The following TSPAN14 variants were observed in gnomAD, a reference collection of about 807,000 sequenced individuals.
TSPAN14 encodes the protein tetraspanin 14, also known as tetraspanin-14.
In TSPAN14, 16 loss-of-function variants were observed where a neutral mutation model predicts 36.6. The observed-to-expected ratio is 0.44, with a 90% CI of 0.30 to 0.66. The LOEUF (loss-of-function observed/expected upper bound fraction) is 0.66, where lower values mean the gene tolerates loss of function less well. TSPAN14 is among the 30% of genes least tolerant of loss of function. The pLI, the probability that TSPAN14 is intolerant of heterozygous loss-of-function variation, is 0.12. For synonymous variants in TSPAN14, 139 were observed against 143.8 expected (o/e 0.97, Z 0.24); for missense variants, 231 against 355.1 (o/e 0.65, Z 2.81).
intron 1 of TSPAN14, among the ~76,000 whole-genome samples, chr10:80,474,447 C>T (rs1193898798): frequency 6.6e-6 from 1 of 151,068 alleles, no homozygotes; most frequent in African/African-American, 2.5e-5. Flanking sequence ...TGACCTGTGC[C>T]CTCAGGACGG....
At chr10:80,486,168 G>A (rs879696359) in intron 1 of TSPAN14, among the ~76,000 whole-genome samples, 1 of 152,244 alleles carries the variant, frequency 6.6e-6, no homozygotes, top group Non-Finnish European at 1.5e-5. Context: ...ATTGTTCCCT[G>A]GTTGGTCATG....
At chr10:80,472,808 G>A (rs908370836) in intron 1 of TSPAN14, among the ~76,000 whole-genome samples, 3 of 151,940 alleles carry the variant, frequency 2.0e-5, no homozygotes, top group Non-Finnish European at 4.4e-5. Flanking sequence ...TGTTTATTTT[G>A]CCGCTCAGAT....
intron 4 of TSPAN14, among the ~76,000 whole-genome samples, chr10:80,508,292 G>C (rs1254829626): frequency 6.6e-6 from 1 of 151,432 alleles, no homozygotes; most frequent in Non-Finnish European, 1.5e-5. Context: ...ATTTTTTTTT[G>C]TATTTTTAGT....
At chr10:80,500,962 C>T (rs1260188312) in intron 2 of TSPAN14, among the ~76,000 whole-genome samples, 1 of 152,192 alleles carries the variant, frequency 6.6e-6, no homozygotes, top group African/African-American at 2.4e-5. Context: ...CTTGTGCAGA[C>T]CAAAATTCCT....
chr10:80,500,227 A>G (rs975424741), intron 2 of TSPAN14, among the ~76,000 whole-genome samples: 2 of 150,332 alleles, frequency 1.3e-5, no homozygotes, highest in Non-Finnish European at 3.0e-5. Flanking sequence ...ATGATCTGAC[A>G]TGTGATCCCC....
chr10:80,460,621 T>G (rs1845921284), intron 1 of TSPAN14, among the ~76,000 whole-genome samples: 1 of 152,090 alleles, frequency 6.6e-6, no homozygotes, highest in Non-Finnish European at 1.5e-5. Context: ...TCCTTGTAGG[T>G]GTCCCTTCTT....
At chr10:80,500,191 G>T (rs1848418037) in intron 2 of TSPAN14, among the ~76,000 whole-genome samples, 1 of 152,036 alleles carries the variant, frequency 6.6e-6, no homozygotes, top group Admixed American at 6.5e-5. Flanking sequence ...CAGAGTTCCT[G>T]CCCTGGGCCA....
intron 5 of TSPAN14, among the ~76,000 whole-genome samples, chr10:80,511,938 A>G (rs1165247721): frequency 6.6e-6 from 1 of 151,824 alleles, no homozygotes; most frequent in Non-Finnish European, 1.5e-5. Context: ...GGCCTGAGCT[A>G]CTACGCCTAG....
chr10:80,515,489 C>CT (rs1840886569), intron 7 of TSPAN14: 1 of 152,404 alleles, frequency 6.6e-6, no homozygotes, highest in South Asian at 2.1e-4. Context: ...AAGAGCCTGT[C>CT]TACAAATACA....
Position 80,508,306 on chromosome 10 carries a change from G to A in TSPAN14, c.279+932G>A, listed in dbSNP as rs559797641. ...AATTTTTTTTTGTATTTTTAGTAGA[G>A]ACGGGGTTTCACCGTGTTAGCCAGG... On this transcript the variant is annotated intron_variant, in intron 4 of 8. Coordinates refer to ENST00000429989, the Ensembl canonical transcript of TSPAN14. Among the ~76,000 whole-genome samples, 3 of 152,100 alleles carry A rather than the reference G, an allele frequency of 2.0e-5. No individual in the cohort carries two copies. The South Asian group carries it at 6.2e-4, about 32-fold the overall frequency.
intron 2 of TSPAN14, among the ~76,000 whole-genome samples, chr10:80,502,803 C>T (rs1178846519): frequency 6.6e-6 from 1 of 151,992 alleles, no homozygotes; most frequent in Non-Finnish European, 1.5e-5. Flanking sequence ...TGTCACTCAG[C>T]AATGTTTAGA....
chr10:80,484,874 G>A (rs761954065), intron 1 of TSPAN14, among the ~76,000 whole-genome samples: 3 of 152,146 alleles, frequency 2.0e-5, no homozygotes, highest in Non-Finnish European at 4.4e-5. Context: ...GTGCATGTAT[G>A]TGCATATGCC....
chr10:80,482,758 G>A (rs1393932159), intron 1 of TSPAN14, among the ~76,000 whole-genome samples: 4 of 131,690 alleles, frequency 3.0e-5, no homozygotes, highest in Non-Finnish European at 6.3e-5. Context: ...TTTTTGAGAC[G>A]GAGTTTCGCT....
At chr10:80,474,455 CG>C (rs1846738157) in intron 1 of TSPAN14, among the ~76,000 whole-genome samples, 2 of 141,036 alleles carry the variant, frequency 1.4e-5, no homozygotes, top group Non-Finnish European at 1.5e-5. Context: ...GCCCTCAGGA[CG>C]GGAGGGGAGG....
intron 7 of TSPAN14, chr10:80,515,706 C>G (rs1335876444): frequency 6.1e-6 from 1 of 163,586 alleles, no homozygotes; most frequent in East Asian, 1.7e-4. Context: ...GACACCCCAC[C>G]GGGGTTAGCA....
At chr10:80,497,814 T>C (rs7896832) in intron 2 of TSPAN14, among the ~76,000 whole-genome samples, 129,813 of 152,232 alleles carry the variant, frequency 0.85, 55,720 homozygotes, top group East Asian at 0.98. Context: ...CTTCCCCACA[T>C]TGGGGCCCTC....
exon 9 of TSPAN14, chr10:80,522,509 AAAAAT>A (rs1343526881): frequency 6.6e-6 from 1 of 152,220 alleles, no homozygotes; most frequent in Non-Finnish European, 1.5e-5. Context: ...CTCCATCTCA[AAAAAT>A]AAAATTAAAA....
At chr10:80,457,343 C>T (rs1048439236) in intron 1 of TSPAN14, among the ~76,000 whole-genome samples, 2 of 151,942 alleles carry the variant, frequency 1.3e-5, no homozygotes, top group African/African-American at 4.8e-5. Flanking sequence ...TGTGCACCAC[C>T]ACACCCAGCT....
exon 9 of TSPAN14, chr10:80,519,513 GA>G (rs1564752047): frequency 2.9e-5 from 1 of 34,448 alleles, no homozygotes; most frequent in East Asian, 3.2e-3. Context: ...TGTTGATGAT[GA>G]TTTTTTTTTT....
Sources: gnomAD v4.1 joint callset for allele counts (sites outside exome capture counted in the v4.1 genomes callset) on GRCh38, gnomAD v4.1.1 for gene constraint, MANE v1.5 for transcripts, NCBI Gene and HGNC (gene_info 2026-07-23, HGNC 2026-07-21) for gene names.